The following ITGA8 variants were observed in gnomAD, a reference collection of about 807,000 sequenced individuals.
ITGA8 encodes integrin subunit alpha 8, also known as integrin alpha-8.
In ITGA8, 91 loss-of-function variants were observed where a neutral mutation model predicts 142.3. The ratio of observed to expected loss-of-function variants is 0.64; its 90% CI spans 0.54 to 0.76. ITGA8 has a LOEUF of 0.76. ITGA8 is among the 30% of genes least tolerant of loss of function. The pLI, the probability that ITGA8 is intolerant of heterozygous loss-of-function variation, is 0.00. For synonymous variants in ITGA8, 505 were observed against 485.2 expected (o/e 1.04, Z -0.54); for missense variants, 1,406 against 1,327.7 (o/e 1.06, Z -0.92).
intron 27 of ITGA8, among the ~76,000 whole-genome samples, chr10:15,546,785 G>A (rs1278007756): frequency 1.4e-5 from 2 of 141,872 alleles, no homozygotes; most frequent in Admixed American, 7.1e-5. Flanking sequence ...CACAGAAAAA[G>A]CAATGAAAAA....
chr10:15,582,613 G>A (rs7069507), intron 23 of ITGA8, among the ~76,000 whole-genome samples: 5,014 of 152,270 alleles, frequency 0.033, 281 homozygotes, highest in African/African-American at 0.11. Flanking sequence ...GTAATAAATG[G>A]GTAGAAGATT....
chr10:15,702,510 C>T (rs534865425), intron 2 of ITGA8, among the ~76,000 whole-genome samples: 2 of 152,170 alleles, frequency 1.3e-5, no homozygotes, highest in African/African-American at 2.4e-5. Flanking sequence ...AGGCTAGTCT[C>T]GAACTCCTGA....
intron 25 of ITGA8, among the ~76,000 whole-genome samples, chr10:15,566,405 GGT>G (rs1834080867): frequency 1.3e-5 from 2 of 152,138 alleles, no homozygotes; most frequent in African/African-American, 4.8e-5. Context: ...TCTTAACATA[GGT>G]TATATGTGGG....
At chr10:15,607,573 C>A in intron 17 of ITGA8, 104 bp downstream of exon 17, 1 of 1,069,302 alleles carries the variant, frequency 9.4e-7, no homozygotes, top group Non-Finnish European at 1.4e-6. Flanking sequence ...TGAAAACAGA[C>A]AGATGGGGGT....
At chr10:15,671,257 A>G (rs369935261) in intron 8 of ITGA8, among the ~76,000 whole-genome samples, 1 of 152,352 alleles carries the variant, frequency 6.6e-6, no homozygotes, top group African/African-American at 2.4e-5. Context: ...GACATGTCCA[A>G]TATGAGAGGT....
intron 22 of ITGA8, among the ~76,000 whole-genome samples, chr10:15,591,819 T>C (rs994649756): frequency 6.6e-6 from 1 of 152,158 alleles, no homozygotes; most frequent in African/African-American, 2.4e-5. Flanking sequence ...TTCTTGAAAA[T>C]TGAAGAGACT....
rs1299398736 is a variant in ITGA8 at position 15,684,136 on chromosome 10, C to T, written c.445-9G>A. On this transcript the variant is annotated splice_polypyrimidine_tract_variant and intron_variant, in intron 3 of 29. Coordinates refer to ENST00000378076, the MANE Select transcript of ITGA8 (RefSeq NM_003638.3). ...TATAAAGGAGCACAGGCCTAGGAAA[C>T]ATCAAAGACAAAAAAATACATTTTT... 3.8e-6 allele frequency: 6 copies of T among 1,598,270 alleles called. No individual in the cohort carries two copies. Among genetic ancestry groups the T allele is most frequent in the South Asian group, 3.4e-5 (3 of 87,320 alleles).
intron 11 of ITGA8, among the ~76,000 whole-genome samples, chr10:15,648,638 A>G (rs1564391239): frequency 6.6e-6 from 1 of 152,070 alleles, no homozygotes; most frequent in African/African-American, 2.4e-5. Context: ...TATAGTTTAT[A>G]TCAAAAGTCA....
chr10:15,565,285 G>A (rs1834057628), intron 25 of ITGA8, among the ~76,000 whole-genome samples: 1 of 152,160 alleles, frequency 6.6e-6, no homozygotes, highest in Non-Finnish European at 1.5e-5. Flanking sequence ...CGTCACAATT[G>A]GAGAGGAAGT....
At position 15,671,563 on chromosome 10, in the gene ITGA8, C is replaced by T. The variant is rs200594832; in HGVS notation, c.847+40G>A. ...TTTATATGCCATTTTACCATTTCCC[C>T]ATGCTTTATAAGTGATTTAAACTCA... On this transcript the variant is annotated intron_variant, in intron 8 of 29. Coordinates refer to ENST00000378076, the MANE Select transcript of ITGA8 (RefSeq NM_003638.3). The T allele has an allele frequency of 6.5e-6, 10 of 1,549,360 alleles. No homozygotes were observed. In the Admixed American group the frequency reaches 1.2e-4, roughly 18 times the overall value.
At chr10:15,630,417 G>A (rs1015359889) in intron 13 of ITGA8, among the ~76,000 whole-genome samples, 3 of 151,976 alleles carry the variant, frequency 2.0e-5, no homozygotes, top group South Asian at 2.1e-4. Context: ...TTAGGATTTC[G>A]CAGTGAGTAA....
intron 11 of ITGA8, among the ~76,000 whole-genome samples, chr10:15,652,466 T>A (rs983856161): frequency 6.9e-6 from 1 of 145,804 alleles, no homozygotes; most frequent in Non-Finnish European, 1.5e-5. Context: ...TTTTTTTCCC[T>A]GATGTTGAGA....
At chr10:15,714,192 C>T (rs77796267) in intron 2 of ITGA8, among the ~76,000 whole-genome samples, 3,057 of 152,250 alleles carry the variant, frequency 0.02, 112 homozygotes, top group African/African-American at 0.069. Flanking sequence ...CTTCATTATT[C>T]CAAAGATGAC....
chr10:15,554,374 C>T (rs1049226616), intron 26 of ITGA8, among the ~76,000 whole-genome samples: 1 of 152,128 alleles, frequency 6.6e-6, no homozygotes, highest in African/African-American at 2.4e-5. Flanking sequence ...CTCCTTGTAC[C>T]CTAAGTCTAT....
intron 2 of ITGA8, among the ~76,000 whole-genome samples, chr10:15,696,861 C>CA (rs750418009): frequency 0.089 from 4,604 of 51,456 alleles, 166 homozygotes; most frequent in African/African-American, 0.16. Context: ...TAACTCTTAC[C>CA]AAAAAAAAAA....
intron 12 of ITGA8, among the ~76,000 whole-genome samples, chr10:15,645,513 T>TA (rs1263594945): frequency 6.6e-6 from 1 of 152,208 alleles, no homozygotes; most frequent in East Asian, 1.9e-4. Flanking sequence ...GCTTGTCTTT[T>TA]AAAAAATTTC....
chr10:15,586,550 A>G (rs1463853852), intron 23 of ITGA8, 34 bp downstream of exon 23: 1 of 1,225,380 alleles, frequency 8.2e-7, no homozygotes, highest in Non-Finnish European at 1.2e-6. Flanking sequence ...CTACATACAG[A>G]AGGATATTGT....
At chr10:15,586,356 G>T (rs1180690196) in intron 23 of ITGA8, among the ~76,000 whole-genome samples, 1 of 151,090 alleles carries the variant, frequency 6.6e-6, no homozygotes, top group Non-Finnish European at 1.5e-5. Context: ...ACCGCGCCTG[G>T]CATAAAGTGA....
intron 27 of ITGA8, among the ~76,000 whole-genome samples, chr10:15,540,640 A>G (rs1269511788): frequency 1.4e-4 from 21 of 152,344 alleles, no homozygotes; most frequent in Non-Finnish European, 4.4e-5. Context: ...CGTAACAAAC[A>G]TGAGCCCAAG....
Sources: allele counts gnomAD v4.1 joint callset (sites outside exome capture counted in the v4.1 genomes callset), GRCh38; gene constraint gnomAD v4.1.1; transcripts MANE v1.5; gene names NCBI Gene and HGNC (gene_info 2026-07-23, HGNC 2026-07-21).